The following FYB1 variants were observed in gnomAD, a reference collection of about 807,000 sequenced individuals.
FYB1 encodes the protein FYN-binding protein 1.
A neutral mutation model predicts 94.1 loss-of-function variants in FYB1; 41 were observed. That is an observed-to-expected ratio of 0.44 (90% CI 0.34 to 0.57). The LOEUF is 0.57. Among genes scored for constraint, FYB1 ranks in the 20% least tolerant of loss-of-function variants. FYB1 has a pLI of 0.02. For missense variants in FYB1, 1,050 were observed against 976.8 expected, an observed-to-expected ratio of 1.07 and a Z score of -1.00; for synonymous variants, 367 against 353.2, an observed-to-expected ratio of 1.04 and a Z score of -0.44.
intron 1 of FYB1, among the ~76,000 whole-genome samples, chr5:39,252,111 C>G (rs949606854): frequency 6.6e-6 from 1 of 152,022 alleles, no homozygotes; most frequent in East Asian, 1.9e-4. Flanking sequence ...CGCCACTGGA[C>G]TCCAGCCTGA....
intron 14 of FYB1, among the ~76,000 whole-genome samples, chr5:39,120,341 C>T (rs924107039): frequency 6.6e-6 from 1 of 151,742 alleles, no homozygotes; most frequent in Non-Finnish European, 1.5e-5. Context: ...AATGGACTTA[C>T]TTTTTTTAAA....
intron 1 of FYB1, among the ~76,000 whole-genome samples, chr5:39,234,423 G>T (rs1380219735): frequency 1.3e-5 from 2 of 152,012 alleles, no homozygotes; most frequent in African/African-American, 4.8e-5. Flanking sequence ...GTGTCAAGGA[G>T]CTCAGTCTTT....
intron 1 of FYB1, among the ~76,000 whole-genome samples, chr5:39,203,337 G>A: frequency 6.6e-6 from 1 of 152,042 alleles, no homozygotes; most frequent in African/African-American, 2.4e-5. Context: ...GAAAAAATAT[G>A]GAAGTGACTA....
At chr5:39,221,477 A>G (rs1186280959), upstream of FYB1, among the ~76,000 whole-genome samples, 4 of 152,346 alleles carry the variant, frequency 2.6e-5, no homozygotes, top group East Asian at 7.7e-4. Flanking sequence ...ACACTGTATA[A>G]CTAACCATGA....
chr5:39,258,459 G>A (rs1460236747), intron 1 of FYB1, among the ~76,000 whole-genome samples: 2 of 152,108 alleles, frequency 1.3e-5, no homozygotes, highest in African/African-American at 4.8e-5. Context: ...AATTATGTGG[G>A]TGTGGTGGTG....
intron 1 of FYB1, among the ~76,000 whole-genome samples, chr5:39,203,704 C>A (rs1237091053): frequency 6.6e-6 from 1 of 152,132 alleles, no homozygotes; most frequent in Non-Finnish European, 1.5e-5. Context: ...GGTCTGGAGG[C>A]ACAAGGGGGA....
intron 1 of FYB1, among the ~76,000 whole-genome samples, chr5:39,230,824 T>C (rs1015480244): frequency 8.8e-5 from 13 of 148,110 alleles, no homozygotes; most frequent in African/African-American, 3.3e-4. Flanking sequence ...TGTGAGAACT[T>C]AGACTTCCCT....
At chr5:39,158,456 A>C (rs1041166256) in intron 2 of FYB1, among the ~76,000 whole-genome samples, 3 of 152,202 alleles carry the variant, frequency 2.0e-5, no homozygotes, top group Non-Finnish European at 4.4e-5. Context: ...TAAACAGAAA[A>C]GTGGATTTGA....
chr5:39,265,906 GA>G (rs2111704216), intron 1 of FYB1, among the ~76,000 whole-genome samples: 1 of 151,884 alleles, frequency 6.6e-6, no homozygotes, highest in East Asian at 1.9e-4. Context: ...CTCCTTTCAG[GA>G]GCTCCCATGT....
intron 1 of FYB1, among the ~76,000 whole-genome samples, chr5:39,247,914 G>GTTTTGTTTTGTTTTT (rs577689403): frequency 0.011 from 1,670 of 151,890 alleles, 12 homozygotes; most frequent in Non-Finnish European, 0.017. Context: ...GTTTTGTTTT[G>GTTTTGTTTTGTTTTT]TTTTCAGACA....
At chr5:39,226,473 G>T (rs1323884204) in intron 1 of FYB1, among the ~76,000 whole-genome samples, 1 of 151,734 alleles carries the variant, frequency 6.6e-6, no homozygotes, top group Non-Finnish European at 1.5e-5. Context: ...CTCTTCACTT[G>T]CATGTGGCAT....
intron 1 of FYB1, among the ~76,000 whole-genome samples, chr5:39,241,812 C>T (rs1199397634): frequency 1.4e-5 from 2 of 146,472 alleles, no homozygotes; most frequent in East Asian, 4.1e-4. Flanking sequence ...CTGAATTCTT[C>T]CTGTTACAGT....
intron 1 of FYB1, chr5:39,250,676 A>G (rs1327007421): frequency 6.6e-6 from 1 of 152,180 alleles, no homozygotes; most frequent in Non-Finnish European, 1.5e-5. Flanking sequence ...CTCACCTTGT[A>G]AATTCCATGG....
intron 2 of FYB1, among the ~76,000 whole-genome samples, chr5:39,193,211 ACT>A (rs148424350): frequency 2.6e-4 from 40 of 152,112 alleles, no homozygotes; most frequent in Non-Finnish European, 5.1e-4. Flanking sequence ...TGGGGTGGGC[ACT>A]CAATGCATGT....
intron 2 of FYB1, among the ~76,000 whole-genome samples, chr5:39,176,214 G>T (rs977070355): frequency 7.6e-6 from 1 of 132,018 alleles, no homozygotes; most frequent in African/African-American, 2.9e-5. Context: ...GCAATGGCGC[G>T]ATCTTGGCTT....
chr5:39,205,881 G>A (rs1261229542), intron 1 of FYB1, among the ~76,000 whole-genome samples: 1 of 152,166 alleles, frequency 6.6e-6, no homozygotes, highest in Non-Finnish European at 1.5e-5. Context: ...ATAGCTCACA[G>A]GGTTTTTGTT....
At chr5:39,125,858 T>A (rs190811283) in intron 12 of FYB1, 140 bp downstream of exon 12, 6 of 800,266 alleles carry the variant, frequency 7.5e-6, no homozygotes, top group Admixed American at 2.9e-5. Flanking sequence ...TAAACGGGGC[T>A]AAGATGATTA....
chr5:39,237,324 T>C (rs1374789674), intron 1 of FYB1, among the ~76,000 whole-genome samples: 2 of 152,016 alleles, frequency 1.3e-5, no homozygotes, highest in African/African-American at 2.4e-5. Context: ...GGTGCATACA[T>C]GGAAGTAAAA....
chr5:39,121,254 A>G (rs2150284375), intron 14 of FYB1, among the ~76,000 whole-genome samples: 1 of 151,636 alleles, frequency 6.6e-6, no homozygotes, highest in African/African-American at 2.4e-5. Flanking sequence ...GAAATAGTAA[A>G]ACCTGAACAT....
Sources: gnomAD v4.1 joint callset for allele counts (sites outside exome capture counted in the v4.1 genomes callset) on GRCh38, gnomAD v4.1.1 for gene constraint, MANE v1.5 for transcripts, NCBI Gene and HGNC (gene_info 2026-07-23, HGNC 2026-07-21) for gene names.